PDZD2: variants seen among roughly 807,000 people sequenced by gnomAD.
PDZD2 encodes the protein PDZ domain containing 2, also known as PDZ domain-containing protein 2.
In PDZD2, 90 loss-of-function variants were observed where a neutral mutation model predicts 220.7. That is an observed-to-expected ratio of 0.41 (90% CI 0.34 to 0.49). PDZD2 has a LOEUF of 0.49. Among genes scored for constraint, PDZD2 ranks in the 20% least tolerant of loss-of-function variants. The probability of loss-of-function intolerance (pLI) is 0.28; values close to 1 mark genes in which losing one functional copy is unlikely to be tolerated. For missense variants in PDZD2, 3,174 were observed against 3,608.5 expected, an observed-to-expected ratio of 0.88 and a Z score of 3.08; for synonymous variants, 1,375 against 1,450.5, an observed-to-expected ratio of 0.95 and a Z score of 1.18.
intron 1 of PDZD2, among the ~76,000 whole-genome samples, chr5:31,689,355 T>TATATATA (rs1208262874): frequency 2.4e-4 from 5 of 20,866 alleles, no homozygotes; most frequent in South Asian, 1.8e-3. Context: ...ATATATATAT[T>TATATATA]TTTTTTTTTT....
chr5:31,882,054 C>T (rs1452443300), intron 2 of PDZD2, among the ~76,000 whole-genome samples: 1 of 152,200 alleles, frequency 6.6e-6, no homozygotes, highest in South Asian at 2.1e-4. Context: ...TAGTTTGACT[C>T]CATCCCGTTA....
At chr5:31,694,537 T>G (rs893015071) in intron 1 of PDZD2, among the ~76,000 whole-genome samples, 1 of 152,136 alleles carries the variant, frequency 6.6e-6, no homozygotes, top group African/African-American at 2.4e-5. Flanking sequence ...CATTTTCTCG[T>G]GTTTTTGAAT....
chr5:31,807,720 G>C (rs986403013), intron 2 of PDZD2, among the ~76,000 whole-genome samples: 2 of 152,166 alleles, frequency 1.3e-5, no homozygotes, highest in African/African-American at 2.4e-5. Context: ...GGAGCCTGCA[G>C]GGCCTGACAG....
At chr5:31,858,337 G>A (rs896933946) in intron 2 of PDZD2, among the ~76,000 whole-genome samples, 9 of 152,052 alleles carry the variant, frequency 5.9e-5, no homozygotes, top group Admixed American at 5.9e-4. Flanking sequence ...AAGGAGACCC[G>A]CATGGATTGA....
chr5:31,752,392 T>TA (rs2150178881), intron 1 of PDZD2, among the ~76,000 whole-genome samples: 1 of 151,912 alleles, frequency 6.6e-6, no homozygotes, highest in African/African-American at 2.4e-5. Context: ...CTACTAAAAA[T>TA]ACAAAAATTA....
chr5:31,664,020 A>G (rs1489983411), intron 1 of PDZD2, among the ~76,000 whole-genome samples: 1 of 152,174 alleles, frequency 6.6e-6, no homozygotes, highest in Non-Finnish European at 1.5e-5. Context: ...TTCACTTAAT[A>G]TCCAGCTTTT....
intron 2 of PDZD2, among the ~76,000 whole-genome samples, chr5:31,849,314 C>T (rs1561506097): frequency 1.3e-5 from 2 of 152,080 alleles, no homozygotes; most frequent in African/African-American, 2.4e-5. Flanking sequence ...TGTTACTTAA[C>T]CTCTTTGTGA....
chr5:32,084,276 A>C (rs191739981), intron 19 of PDZD2, among the ~76,000 whole-genome samples: 94 of 152,332 alleles, frequency 6.2e-4, no homozygotes, highest in Non-Finnish European at 1.0e-3. Context: ...CCACATAGTC[A>C]GGGTTTAGGC....
At position 32,083,011 on chromosome 5, in the gene PDZD2, G is replaced by A. The variant is rs527543802; in HGVS notation, c.3683-4120G>A. The stretch of plus-strand genomic sequence containing the variant: ...CTAAATGTTTAACTCTGTTATGAAC[G>A]GGATACATGTTTATTCTAGAAACTT... On this transcript the variant is annotated intron_variant, in intron 19 of 24. Transcript: ENST00000438447. The surrounding 1 kb of genome is among the most constrained non-coding windows in gnomAD (Gnocchi z 4.1). 3.3e-4 allele frequency among the ~76,000 whole-genome samples: 50 copies of A among 152,216 alleles called. No homozygotes were observed. Among genetic ancestry groups the A allele is most frequent in the African/African-American group, 1.1e-3 (47 of 41,526 alleles).
At position 32,098,737 on chromosome 5, in the gene PDZD2, T is replaced by C. The variant is rs1031363110; in HGVS notation, c.8218+103T>C. ...ATAACAGCTAACTAACTTCTAGATC[T>C]GAAAAATTAAATGTAGCGAAGTCTA... is the stretch of plus-strand genomic sequence containing the variant. On this transcript the variant is annotated intron_variant, in intron 23 of 24. Transcript: ENST00000438447. The surrounding 1 kb of genome is among the most constrained non-coding windows in gnomAD (Gnocchi z 4.1). 8.3e-6 allele frequency: 9 copies of C among 1,079,518 alleles called. No homozygotes were observed. The highest frequency in any genetic ancestry group is 6.2e-4 in the Middle Eastern group (2 of 3,242). The allele number at this position is 1,079,518 out of a possible 1,614,324, so 66.9% of individuals were successfully genotyped here.
chr5:31,758,906 C>T (rs879896093), intron 1 of PDZD2, among the ~76,000 whole-genome samples: 3 of 152,092 alleles, frequency 2.0e-5, no homozygotes, highest in African/African-American at 4.8e-5. Flanking sequence ...CCTGCTGTTC[C>T]GCACCCGCCT....
At chr5:31,902,505 C>T (rs1742194415) in intron 2 of PDZD2, among the ~76,000 whole-genome samples, 2 of 145,788 alleles carry the variant, frequency 1.4e-5, no homozygotes, top group Non-Finnish European at 3.0e-5. Flanking sequence ...TTTTTTCAGA[C>T]AGATTCTCAT....
chr5:31,705,203 CACACACA>C lies in PDZD2; in HGVS notation c.-361+65767_-361+65773del, dbSNP rs1747768287. ...ACACACACACACACACACACACACACACACACATACACACTCACACTCACTCTACTGG... is the reference window on the plus strand; with the variant it reads ...ACACACACACACACACACACACACACTACACACTCACACTCACTCTACTGG... On this transcript the variant is annotated intron_variant, in intron 1 of 24. Transcript: ENST00000438447. Among the ~76,000 whole-genome samples the C allele has an allele frequency of 5.7e-4, 32 of 56,264 alleles. No individual in the cohort carries two copies. In the East Asian group the frequency reaches 0.018, roughly 32 times the overall value. 36.9% of individuals were successfully genotyped at this position (56,264 alleles called of 152,430 possible).
chr5:31,907,492 C>T (rs1044981399), intron 2 of PDZD2, among the ~76,000 whole-genome samples: 1 of 152,162 alleles, frequency 6.6e-6, no homozygotes, highest in East Asian at 1.9e-4. Context: ...TAGTATTAGT[C>T]ATAAATGACA....
chr5:32,088,358 C>T lies in PDZD2; in HGVS notation c.4910C>T (p.Thr1637Ile), dbSNP rs146363113. ...AAAGTTCTGTCATTAAAATACAGCA[C>T]TCCGAGAGAGTCGGTGGCCAGTCCC... Reference protein sequence around the residue: ...SAKVLSLKYSTPRESVASPRE... With the variant: ...SAKVLSLKYSIPRESVASPRE... The change falls in exon 20 of 25, where the codon ACT becomes ATT. Residue 1637 changes from threonine (T) to isoleucine (I), a missense_variant. Thr to Ile is a moderately conservative substitution (Grantham distance 89, BLOSUM62 -1). Transcript: ENST00000438447. The surrounding 1 kb of genome is among the most constrained non-coding windows in gnomAD (Gnocchi z 4.6). 2.2e-5 allele frequency: 36 copies of T among 1,614,024 alleles called. No homozygotes were observed. The highest frequency in any genetic ancestry group is 2.0e-4 in the East Asian group (9 of 44,882).
intron 2 of PDZD2, among the ~76,000 whole-genome samples, chr5:31,890,508 T>C (rs979932404): frequency 6.6e-5 from 10 of 152,138 alleles, no homozygotes; most frequent in African/African-American, 2.4e-4. Flanking sequence ...GTTCAGATCG[T>C]GGACTAATAA....
At chr5:31,743,469 G>A (rs1407659659) in intron 1 of PDZD2, among the ~76,000 whole-genome samples, 3 of 152,036 alleles carry the variant, frequency 2.0e-5, no homozygotes, top group Non-Finnish European at 4.4e-5. Flanking sequence ...ATATTCTACT[G>A]CTTGTCGTTG....
chr5:32,108,197 T>C lies in PDZD2; in HGVS notation c.*62T>C. On this transcript the variant is annotated 3_prime_UTR_variant, in exon 25 of 25. Transcript: ENST00000438447. ...CTTTAGCAAATCAGAGTGACTTCTTTAAACCACAGGTTGTTGAAATGGCCA... is the reference window on the plus strand; with the variant it reads ...CTTTAGCAAATCAGAGTGACTTCTTCAAACCACAGGTTGTTGAAATGGCCA... 8.4e-7 allele frequency: 1 copy of C among 1,191,454 alleles called. No individual in the cohort carries two copies. Among genetic ancestry groups the C allele is most frequent in the Admixed American group, 2.1e-5 (1 of 48,048 alleles). The allele number at this position is 1,191,454 out of a possible 1,614,324, so 73.8% of individuals were successfully genotyped here. A position where few individuals can be genotyped will look rare whatever the true frequency, so the allele number is the denominator to read the frequency against.
intron 1 of PDZD2, among the ~76,000 whole-genome samples, chr5:31,677,007 CTTG>C: frequency 6.6e-6 from 1 of 152,236 alleles, no homozygotes; most frequent in East Asian, 1.9e-4. Flanking sequence ...AACTCACTCC[CTTG>C]TTGTAGGCCT....
Sources: gnomAD v4.1 joint callset for allele counts (sites outside exome capture counted in the v4.1 genomes callset) on GRCh38, gnomAD v4.1.1 for gene constraint, Gnocchi (gnomAD v3.1) non-coding constraint, MANE v1.5 for transcripts, NCBI Gene and HGNC (gene_info 2026-07-23, HGNC 2026-07-21) for gene names.